ABCG5: variants seen among roughly 807,000 people sequenced by gnomAD.
The protein encoded by ABCG5 is ATP binding cassette subfamily G member 5, also known as ATP-binding cassette sub-family G member 5.
ABCG5 carries 64 observed loss-of-function variants against 64.5 expected under a neutral mutation model. The ratio of observed to expected loss-of-function variants is 0.99; its 90% CI spans 0.81 to 1.22. ABCG5 has a LOEUF of 1.22. Ranked by LOEUF, ABCG5 falls within the 50% of genes most tolerant of loss-of-function variation. The probability of loss-of-function intolerance (pLI) is 0.00; values close to 1 mark genes in which losing one functional copy is unlikely to be tolerated. For missense variants in ABCG5, 908 were observed against 829.5 expected (o/e 1.09, Z -1.16); for synonymous variants, 385 against 326.3 (o/e 1.18, Z -1.94).
At chr2:43,838,992 C>A, upstream of ABCG5, 1 of 1,510,434 alleles carries the variant, frequency 6.6e-7, no homozygotes, top group South Asian at 1.2e-5. The surrounding 1 kb of genome is among the most constrained non-coding windows in gnomAD (Gnocchi z 4.2). Flanking sequence ...AGACACTGGC[C>A]CTGGCAGGCA....
intron 6 of ABCG5, among the ~76,000 whole-genome samples, chr2:43,825,279 C>G (rs1237892146): frequency 1.3e-5 from 2 of 152,180 alleles, no homozygotes; most frequent in Non-Finnish European, 2.9e-5. Flanking sequence ...CATCCTGACG[C>G]CCAGCTTCAT....
Position 43,813,125 on chromosome 2 carries a change from A to T in ABCG5, c.1947T>A (p.Ile649=). 1 of 1,226,330 alleles carries T rather than the reference A, an allele frequency of 8.2e-7. No individual in the cohort carries two copies. Among genetic ancestry groups the T allele is most frequent in the Non-Finnish European group, 1.2e-6 (1 of 826,426 alleles). The allele number at this position is 1,226,330 out of a possible 1,614,324, so 76.0% of individuals were successfully genotyped here. A position where few individuals can be genotyped will look rare whatever the true frequency, so the allele number is the denominator to read the frequency against. ...CCAGCCATGGCTTTCACTACCTGCTAATGAGATGATCCCTTATTTTGAAAA... is the reference window on the plus strand; with the variant it reads ...CCAGCCATGGCTTTCACTACCTGCTTATGAGATGATCCCTTATTTTGAAAA... The part of the protein sequence containing the change: ...IVVFKIRDHL[I]SR The change falls in exon 13 of 13, where the codon ATT becomes ATA. Residue 649 remains isoleucine (I), a synonymous_variant. Transcript: ENST00000405322.
At chr2:43,818,725 AT>A (rs1307085422) in intron 11 of ABCG5, among the ~76,000 whole-genome samples, 8 of 152,324 alleles carry the variant, frequency 5.3e-5, no homozygotes, top group Middle Eastern at 3.4e-3. Flanking sequence ...GTGTGAAAAA[AT>A]ATCCTCCTTG....
rs745619914 is a variant in ABCG5, at chr2:43,828,114, A to C, written c.503T>G (p.Val168Gly). 3.1e-6 allele frequency: 5 copies of C among 1,613,832 alleles called. No individual in the cohort carries two copies. In the South Asian group the frequency reaches 5.5e-5, roughly 18 times the overall value. The change falls in exon 5 of 13, where the codon GTG becomes GGG. Residue 168 changes from valine (V) to glycine (G), a missense_variant and splice_region_variant. Coordinates refer to ENST00000405322, the MANE Select transcript of ABCG5 (RefSeq NM_022436.3). ...ACTCAGCTCTGCCATGACGGCCTCC[A>C]CCTGCAGGAGACACAAATTACAGGA... is the stretch of plus-strand genomic sequence containing the variant. ...RGNPGSFQKK[V>G]EAVMAELSLS...
Position 43,838,469 on chromosome 2 carries a change from G to A in ABCG5, c.143+68C>T. On this transcript the variant is annotated intron_variant, in intron 1 of 12. Coordinates refer to ENST00000405322, the MANE Select transcript of ABCG5 (RefSeq NM_022436.3). This position sits in a 1 kb window ranked among gnomAD's most constrained non-coding sequence, Gnocchi z 4.2. Reference sequence around the variant, plus strand: ...ACTGGCACTTAAAGAGTGAAGAAAGGCAGCAGAGGGGTGAGCGCCGGGCCC... The same window carrying A: ...ACTGGCACTTAAAGAGTGAAGAAAGACAGCAGAGGGGTGAGCGCCGGGCCC... 1 of 1,464,042 alleles carries A rather than the reference G, an allele frequency of 6.8e-7. No individual in the cohort carries two copies. The allele number at this position is 1,464,042 out of a possible 1,614,324, so 90.7% of individuals were successfully genotyped here. A position where few individuals can be genotyped will look rare whatever the true frequency, so the allele number is the denominator to read the frequency against.
chr2:43,832,008 T>G lies in ABCG5; in HGVS notation c.341A>C (p.Tyr114Ser). Residue 114 changes from tyrosine (Y) to serine (S), a missense_variant, in exon 3 of 13, where the codon TAT (tyrosine) becomes TCT (serine). By Grantham distance (144) the Tyr-to-Ser change is moderately radical (BLOSUM62 -2). Transcript: ENST00000405322. ...CCGGCGCAGCGCCCGGCCGTTCACATACACCTCCCCCAGGAAGGTCCCCGC... is the reference window on the plus strand; with the variant it reads ...CCGGCGCAGCGCCCGGCCGTTCACAGACACCTCCCCCAGGAAGGTCCCCGC... ...GRAGTFLGEV[Y>S]VNGRALRREQ... is the part of the protein sequence containing the mutation. 1 of 1,564,842 alleles carries G rather than the reference T, an allele frequency of 6.4e-7. No homozygotes were observed. The highest frequency in any genetic ancestry group is 8.7e-7 in the Non-Finnish European group (1 of 1,154,866).
At chr2:43,831,413 T>C (rs895003739) in intron 4 of ABCG5, among the ~76,000 whole-genome samples, 2 of 152,160 alleles carry the variant, frequency 1.3e-5, no homozygotes, top group Admixed American at 1.3e-4. Flanking sequence ...ACTCAAGCAA[T>C]CCTCCCATCT....
At chr2:43,810,160 C>A, downstream of ABCG5, 1 of 369,628 alleles carries the variant, frequency 2.7e-6, no homozygotes, top group South Asian at 1.1e-4. Flanking sequence ...GCATTCTCAG[C>A]TGTAGCTGGG....
rs376624535 is a variant in ABCG5 at position 43,834,377 on chromosome 2, C to G, written c.266-2294G>C. Reference sequence around the variant, plus strand: ...TAAAGCCACTTTATTGTTGCCAAATCCAGTGTATACTTCTCTGGGAGGGAT... The same window carrying G: ...TAAAGCCACTTTATTGTTGCCAAATGCAGTGTATACTTCTCTGGGAGGGAT... On this transcript the variant is annotated intron_variant, in intron 2 of 12. Transcript: ENST00000405322. Among the ~76,000 whole-genome samples the G allele has an allele frequency of 5.3e-5, 8 of 152,318 alleles. No individual in the cohort carries two copies. In the East Asian group the frequency reaches 1.3e-3, roughly 26 times the overall value.
At chr2:43,810,516 T>C, downstream of ABCG5, 1 of 985,208 alleles carries the variant, frequency 1.0e-6, no homozygotes, top group East Asian at 1.1e-4. Context: ...CTAGCCAAGT[T>C]CATTTTGAGT....
In ABCG5 at chr2:43,832,053, A is replaced by T; in HGVS notation, c.296T>A (p.Met99Lys). The T allele has an allele frequency of 6.3e-7, 1 of 1,582,456 alleles. No individual in the cohort carries two copies. Among genetic ancestry groups the T allele is most frequent in the Non-Finnish European group, 8.6e-7 (1 of 1,164,884 alleles). The change falls in exon 3 of 13, where the codon ATG (methionine) becomes AAG (lysine). Residue 99 changes from methionine (M) to lysine (K), a missense_variant. Met to Lys is a moderately conservative substitution (Grantham distance 95). Transcript: ENST00000405322. Reference sequence around the variant, plus strand: ...CCCCGCGCGCCCCAGCCTCCCGGACATGGCGTCCAGCAGCGTGGTTTTCCC... The same window carrying T: ...CCCCGCGCGCCCCAGCCTCCCGGACTTGGCGTCCAGCAGCGTGGTTTTCCC... Reference protein sequence around the residue: ...GSGKTTLLDAMSGRLGRAGTF... With the variant: ...GSGKTTLLDAKSGRLGRAGTF...
In ABCG5 at chr2:43,831,758, G is replaced by A. The variant is rs530079060; in HGVS notation, c.501+11C>T. On this transcript the variant is annotated intron_variant, in intron 4 of 12. Coordinates refer to ENST00000405322, the MANE Select transcript of ABCG5 (RefSeq NM_022436.3). ...TCAGTTTGCCCTCTGTGAGCGGGGG[G>A]CTGCACCCACCTTCTTCTGGAAGGA... The A allele has an allele frequency of 5.1e-6, 8 of 1,567,568 alleles. No homozygotes were observed. Among genetic ancestry groups the A allele is most frequent in the African/African-American group, 1.3e-5 (1 of 74,640 alleles).
At chr2:43,824,169 G>A (rs1397652775) in intron 8 of ABCG5, 50 bp downstream of exon 8, 1 of 1,613,758 alleles carries the variant, frequency 6.2e-7, no homozygotes, top group Non-Finnish European at 8.5e-7. Context: ...GTTATTGGGG[G>A]ATGGCTAAAG....
In ABCG5 at chr2:43,814,551, C is replaced by CTGA. The variant is rs1439860280; in HGVS notation, c.1685_1687dup (p.Ile562dup). On this transcript the variant is annotated inframe_insertion, in exon 12 of 13. Coordinates refer to ENST00000405322, the MANE Select transcript of ABCG5 (RefSeq NM_022436.3). ...GCAATATTTTTGGAATGTAAAATAA[C>CTGA]TGATGATTTTAAAAGGAATGGGCAT... is the stretch of plus-strand genomic sequence containing the variant. 3 of 1,607,726 alleles carry CTGA rather than the reference C, an allele frequency of 1.9e-6. No homozygotes were observed. The African/African-American group carries it at 4.0e-5, about 22-fold the overall frequency.
At chr2:43,825,118 C>A (rs1667513427) in intron 6 of ABCG5, 100 bp from the exon 7 acceptor site, 3 of 1,429,962 alleles carry the variant, frequency 2.1e-6, no homozygotes, top group Non-Finnish European at 2.9e-6. Flanking sequence ...TCAGGTATTC[C>A]TTATGGTCAC....
intron 5 of ABCG5, 88 bp from the exon 6 acceptor site, chr2:43,826,609 G>T (rs1667622394): frequency 6.3e-7 from 1 of 1,584,670 alleles, no homozygotes; most frequent in Admixed American, 1.7e-5. Context: ...GTTCCTTATT[G>T]AGTTTGTACC....
downstream of ABCG5, among the ~76,000 whole-genome samples, chr2:43,812,055 CT>C (rs1558710053): frequency 6.6e-6 from 1 of 151,444 alleles, no homozygotes; most frequent in East Asian, 1.9e-4. Flanking sequence ...TTTTTTCTTT[CT>C]TTTTTAGAGA....
intron 5 of ABCG5, 62 bp from the exon 6 acceptor site, chr2:43,826,583 C>A: frequency 6.2e-7 from 1 of 1,611,344 alleles, no homozygotes; most frequent in South Asian, 1.1e-5. Context: ...GTGCTTAAAA[C>A]TCAGAGTTCT....
intron 12 of ABCG5, among the ~76,000 whole-genome samples, chr2:43,813,709 GTTTTTTTTT>G (rs1214033245): frequency 2.9e-5 from 1 of 34,070 alleles, no homozygotes; most frequent in African/African-American, 1.3e-4. Context: ...TTTTTTTTTC[GTTTTTTTTT>G]TTTTTTTTTT....
Sources: gnomAD v4.1 joint callset for allele counts (sites outside exome capture counted in the v4.1 genomes callset) on GRCh38, gnomAD v4.1.1 for gene constraint, Gnocchi (gnomAD v3.1) non-coding constraint, MANE v1.5 for transcripts, NCBI Gene and HGNC (gene_info 2026-07-23, HGNC 2026-07-21) for gene names.